GPC5: variants seen among roughly 807,000 people sequenced by gnomAD.
GPC5 encodes glypican-5.
A neutral mutation model predicts 53.9 loss-of-function variants in GPC5; 47 were observed. The observed-to-expected ratio is 0.87, with a 90% CI of 0.69 to 1.11. The LOEUF (loss-of-function observed/expected upper bound fraction) is 1.11, where lower values mean the gene tolerates loss of function less well. Among genes scored for constraint, GPC5 ranks in the 50% most tolerant of loss-of-function variants. GPC5 has a pLI of 0.00. For synonymous variants in GPC5, 286 were observed against 263.3 expected, an observed-to-expected ratio of 1.09 and a Z score of -0.84; for missense variants, 748 against 713.1, an observed-to-expected ratio of 1.05 and a Z score of -0.56.
intron 6 of GPC5, among the ~76,000 whole-genome samples, chr13:91,929,831 C>T (rs1241974284): frequency 1.3e-5 from 2 of 151,768 alleles, no homozygotes; most frequent in East Asian, 3.9e-4. Flanking sequence ...TTATTTACGA[C>T]TTTGGAAACA....
At chr13:92,344,704 T>A (rs2043396214) in intron 7 of GPC5, among the ~76,000 whole-genome samples, 1 of 152,084 alleles carries the variant, frequency 6.6e-6, no homozygotes, top group Non-Finnish European at 1.5e-5. Context: ...CTTACGTAGT[T>A]TTGAACCTCC....
chr13:92,250,852 T>C (rs931460478), intron 7 of GPC5, among the ~76,000 whole-genome samples: 1 of 152,030 alleles, frequency 6.6e-6, no homozygotes, highest in Non-Finnish European at 1.5e-5. Context: ...TGATGGCATA[T>C]GGCAGGTCAT....
chr13:92,563,845 A>G (rs1371296481), intron 7 of GPC5, among the ~76,000 whole-genome samples: 1 of 152,060 alleles, frequency 6.6e-6, no homozygotes, highest in Non-Finnish European at 1.5e-5. Flanking sequence ...GTCTTGCTAC[A>G]TCCTAAACAC....
At chr13:92,451,332 G>A (rs948156754) in intron 7 of GPC5, among the ~76,000 whole-genome samples, 37 of 152,138 alleles carry the variant, frequency 2.4e-4, no homozygotes, top group African/African-American at 8.9e-4. Context: ...TTGGTGAAAT[G>A]AAATGAACAA....
At chr13:92,252,168 A>G (rs1313235771) in intron 7 of GPC5, among the ~76,000 whole-genome samples, 2 of 152,154 alleles carry the variant, frequency 1.3e-5, no homozygotes, top group African/African-American at 2.4e-5. Context: ...GGCCTCTGTG[A>G]CAGTATGGCA....
At chr13:91,676,630 G>C (rs2035390595) in intron 2 of GPC5, among the ~76,000 whole-genome samples, 1 of 152,114 alleles carries the variant, frequency 6.6e-6, no homozygotes, top group African/African-American at 2.4e-5. Flanking sequence ...CCCTCACACA[G>C]AGTAGTGAAT....
chr13:92,861,904 A>C (rs1441933228), intron 7 of GPC5, among the ~76,000 whole-genome samples: 2 of 152,124 alleles, frequency 1.3e-5, no homozygotes, highest in Non-Finnish European at 2.9e-5. Flanking sequence ...TTATTTTTTC[A>C]AATATTGATT....
intron 7 of GPC5, among the ~76,000 whole-genome samples, chr13:92,423,016 G>A (rs1876651072): frequency 6.6e-6 from 1 of 152,212 alleles, no homozygotes; most frequent in Non-Finnish European, 1.5e-5. Flanking sequence ...TTCTGAAGGT[G>A]GAGAAGCCCA....
intron 7 of GPC5, among the ~76,000 whole-genome samples, chr13:92,794,820 C>CT (rs1250448159): frequency 2.6e-5 from 4 of 152,100 alleles, no homozygotes; most frequent in Non-Finnish European, 4.4e-5. Flanking sequence ...AGGAATCCAA[C>CT]TTACAAGGGA....
intron 6 of GPC5, among the ~76,000 whole-genome samples, chr13:92,034,764 T>C (rs904239816): frequency 6.6e-5 from 10 of 152,310 alleles, no homozygotes; most frequent in African/African-American, 2.4e-4. Context: ...TGTTATACTT[T>C]CAGTGGATCT....
At chr13:91,887,263 G>A (rs994646172) in intron 5 of GPC5, among the ~76,000 whole-genome samples, 1 of 152,108 alleles carries the variant, frequency 6.6e-6, no homozygotes, top group African/African-American at 2.4e-5. Flanking sequence ...TCCCACCCAA[G>A]CCATGGGTGG....
At chr13:91,553,515 GT>G (rs1555323324) in intron 2 of GPC5, among the ~76,000 whole-genome samples, 2 of 152,014 alleles carry the variant, frequency 1.3e-5, no homozygotes, top group Non-Finnish European at 2.9e-5. Flanking sequence ...CTGTCACCCA[GT>G]TCAATCTGTA....
intron 7 of GPC5, among the ~76,000 whole-genome samples, chr13:92,773,831 C>A (rs957173240): frequency 6.6e-6 from 1 of 152,066 alleles, no homozygotes; most frequent in African/African-American, 2.4e-5. Flanking sequence ...AAGACATACC[C>A]AAGACTGGGT....
chr13:92,243,781 T>C (rs2042630931), intron 7 of GPC5, among the ~76,000 whole-genome samples: 1 of 152,178 alleles, frequency 6.6e-6, no homozygotes, highest in Non-Finnish European at 1.5e-5. Flanking sequence ...AATTGGGTTG[T>C]CTATAGATAC....
intron 7 of GPC5, among the ~76,000 whole-genome samples, chr13:92,551,892 C>T (rs1882329353): frequency 1.3e-5 from 2 of 151,816 alleles, no homozygotes; most frequent in African/African-American, 4.8e-5. Context: ...CCCTGAAGGG[C>T]AAACTGGAAA....
chr13:92,740,002 C>T (rs1889043013), intron 7 of GPC5, among the ~76,000 whole-genome samples: 1 of 151,946 alleles, frequency 6.6e-6, no homozygotes, highest in Non-Finnish European at 1.5e-5. Context: ...TATTATTTAC[C>T]TCAGTACAGC....
chr13:92,203,027 G>C (rs2042306036), intron 7 of GPC5, among the ~76,000 whole-genome samples: 1 of 152,090 alleles, frequency 6.6e-6, no homozygotes, highest in Non-Finnish European at 1.5e-5. Context: ...AAGCAACATA[G>C]TACAAAAAGC....
chr13:92,167,761 C>G (rs1428359490), intron 7 of GPC5, among the ~76,000 whole-genome samples: 2 of 151,916 alleles, frequency 1.3e-5, no homozygotes, highest in Non-Finnish European at 2.9e-5. Context: ...ATGTGGATTA[C>G]CAGAATGCAA....
At chr13:92,196,801 A>G (rs1471060132) in intron 7 of GPC5, among the ~76,000 whole-genome samples, 2 of 59,664 alleles carry the variant, frequency 3.4e-5, no homozygotes, top group African/African-American at 9.8e-5. Context: ...TCTTACTGAT[A>G]AACAGGCGCA....
Sources: allele counts gnomAD v4.1 joint callset (sites outside exome capture counted in the v4.1 genomes callset), GRCh38; gene constraint gnomAD v4.1.1; transcripts MANE v1.5; gene names NCBI Gene and HGNC (gene_info 2026-07-23, HGNC 2026-07-21).